Variants in KIAA1958 observed in about 807,000 individuals in gnomAD.
KIAA1958 encodes the protein KIAA1958.
KIAA1958 carries 14 observed loss-of-function variants against 47.2 expected under a neutral mutation model. The ratio of observed to expected loss-of-function variants is 0.30; its 90% confidence interval spans 0.20 to 0.46. The LOEUF (loss-of-function observed/expected upper bound fraction) is 0.46. Ranked by LOEUF, KIAA1958 falls within the 20% of genes least tolerant of loss-of-function variation. The pLI, the probability that KIAA1958 is intolerant of heterozygous loss-of-function variation, is 1.00. For synonymous variants in KIAA1958, 354 were observed against 353.3 expected (o/e 1.00, Z -0.02); for missense variants, 803 against 909.2 (o/e 0.88, Z 1.50).
At chr9:112,602,152 A>T (rs1836145047) in intron 2 of KIAA1958, among the ~76,000 whole-genome samples, 1 of 152,276 alleles carries the variant, frequency 6.6e-6, no homozygotes, top group East Asian at 1.9e-4. Context: ...TGACTTTTTA[A>T]TTTTATTTTA....
chr9:112,648,522 T>C (rs577760625), intron 3 of KIAA1958, among the ~76,000 whole-genome samples: 50 of 152,302 alleles, frequency 3.3e-4, no homozygotes, highest in African/African-American at 1.1e-3. Context: ...GAACAGTACT[T>C]GGCACTCACA....
intron 2 of KIAA1958, among the ~76,000 whole-genome samples, chr9:112,615,135 G>T (rs1449546020): frequency 6.6e-6 from 1 of 152,032 alleles, no homozygotes; most frequent in African/African-American, 2.4e-5. Context: ...AAATGAAGAG[G>T]AGGAGGCCGG....
rs1012014526 is a variant in KIAA1958 at position 112,574,601 on chromosome 9, G to C, written c.521G>C (p.Arg174Thr). ...AGGCCTCAAAGCATTGCTCGCAAAAGACCTGGGGTAGTCCCATCTTCCCTC... is the reference window on the plus strand; with the variant it reads ...AGGCCTCAAAGCATTGCTCGCAAAACACCTGGGGTAGTCCCATCTTCCCTC... Reference protein sequence around the residue: ...TQRPQSIARKRPGVVPSSLHS... With the variant: ...TQRPQSIARKTPGVVPSSLHS... Residue 174 changes from arginine to threonine, a missense_variant, in exon 2 of 4, where the codon AGA becomes ACA. Arg to Thr is a moderately conservative substitution (Grantham distance 71, BLOSUM62 -1). Transcript: ENST00000337530. 1 of 1,614,022 alleles carries C rather than the reference G, an allele frequency of 6.2e-7. No individual in the cohort carries two copies. Among genetic ancestry groups the C allele is most frequent in the African/African-American group, 1.3e-5 (1 of 74,938 alleles).
At chr9:112,561,593 C>T (rs575544747) in intron 1 of KIAA1958, among the ~76,000 whole-genome samples, 157 of 152,118 alleles carry the variant, frequency 1.0e-3, no homozygotes, top group African/African-American at 3.6e-3. Flanking sequence ...AGTGGCTCAC[C>T]CCTGTAATCC....
At chr9:112,511,386 G>C (rs781396469) in intron 1 of KIAA1958, among the ~76,000 whole-genome samples, 9 of 152,180 alleles carry the variant, frequency 5.9e-5, no homozygotes, top group Non-Finnish European at 1.0e-4. Context: ...ATGCACTAAG[G>C]ATCCATCCGA....
At position 112,618,530 on chromosome 9, in the gene KIAA1958, G is replaced by C; in HGVS notation, c.1172-27120G>C. On this transcript the variant is annotated intron_variant, in intron 2 of 3. Coordinates refer to ENST00000337530, the MANE Select transcript of KIAA1958 (RefSeq NM_133465.4). The surrounding 1 kb of genome is among the most constrained non-coding windows in gnomAD (Gnocchi z 7.1). ...CTCCCGTGTGTATGCCACCCAGCAC[G>C]CCCCACAGACCTGCCCTGTCCAGGA... 1 of 1,550,706 alleles carries C rather than the reference G, an allele frequency of 6.4e-7. No individual in the cohort carries two copies. Among genetic ancestry groups the C allele is most frequent in the Non-Finnish European group, 8.7e-7 (1 of 1,147,016 alleles).
At chr9:112,561,179 C>T (rs1252555516) in intron 1 of KIAA1958, among the ~76,000 whole-genome samples, 1 of 151,710 alleles carries the variant, frequency 6.6e-6, no homozygotes, top group African/African-American at 2.4e-5. Flanking sequence ...CTCAGCCTCC[C>T]GAGTAGCTGG....
chr9:112,584,560 C>T (rs1835790802), intron 2 of KIAA1958, among the ~76,000 whole-genome samples: 1 of 152,110 alleles, frequency 6.6e-6, no homozygotes, highest in Non-Finnish European at 1.5e-5. Context: ...GAGAATTATC[C>T]TCACAAATTT....
chr9:112,500,350 C>T (rs9696045), intron 1 of KIAA1958, among the ~76,000 whole-genome samples: 145,026 of 152,208 alleles, frequency 0.95, 69,143 homozygotes, highest in South Asian at 0.98. Flanking sequence ...ATCTGCCCGC[C>T]TTGGCCTCCC....
chr9:112,566,574 T>C (rs1256435266), intron 1 of KIAA1958, among the ~76,000 whole-genome samples: 1 of 152,178 alleles, frequency 6.6e-6, no homozygotes, highest in Non-Finnish European at 1.5e-5. Flanking sequence ...GTGAACTGCA[T>C]TTCAGCCTGG....
intron 1 of KIAA1958, among the ~76,000 whole-genome samples, chr9:112,508,462 A>T (rs7032846): frequency 6.6e-6 from 1 of 152,254 alleles, no homozygotes; most frequent in East Asian, 1.9e-4. Context: ...AAATAAGCAT[A>T]TATTAAAGCA....
chr9:112,557,960 C>T (rs915655286), intron 1 of KIAA1958, among the ~76,000 whole-genome samples: 4 of 152,282 alleles, frequency 2.6e-5, no homozygotes, highest in African/African-American at 7.2e-5. Context: ...GGCGCAGTGG[C>T]TCATGCCTGT....
At chr9:112,507,281 T>G (rs1489062332) in intron 1 of KIAA1958, among the ~76,000 whole-genome samples, 1 of 152,234 alleles carries the variant, frequency 6.6e-6, no homozygotes, top group Admixed American at 6.5e-5. Flanking sequence ...TAGGTTGATA[T>G]ATCATATGCA....
At chr9:112,617,245 T>C (rs187640328) in intron 2 of KIAA1958, among the ~76,000 whole-genome samples, 24 of 152,354 alleles carry the variant, frequency 1.6e-4, no homozygotes, top group African/African-American at 5.0e-4. Context: ...CCCTCCAAAA[T>C]ACCAAATATT....
intron 1 of KIAA1958, among the ~76,000 whole-genome samples, chr9:112,556,726 G>T (rs1347473820): frequency 6.6e-6 from 1 of 152,216 alleles, no homozygotes; most frequent in Non-Finnish European, 1.5e-5. Context: ...CTTGTTGAAA[G>T]ATTTTAATCT....
intron 1 of KIAA1958, among the ~76,000 whole-genome samples, chr9:112,525,355 C>G (rs991600095): frequency 1.3e-5 from 2 of 152,192 alleles, no homozygotes; most frequent in African/African-American, 4.8e-5. Flanking sequence ...CCTTACCCAT[C>G]CTCTCAGGAC....
chr9:112,612,161 G>A, intron 2 of KIAA1958, among the ~76,000 whole-genome samples: 1 of 152,068 alleles, frequency 6.6e-6, no homozygotes, highest in Non-Finnish European at 1.5e-5. Context: ...TAATCCCAAT[G>A]CTTTGGGAAG....
At chr9:112,588,226 C>T (rs755820958) in intron 2 of KIAA1958, among the ~76,000 whole-genome samples, 6 of 152,220 alleles carry the variant, frequency 3.9e-5, no homozygotes, top group Non-Finnish European at 7.3e-5. Flanking sequence ...TTTTATGTCA[C>T]TTTCACAGTG....
In KIAA1958 at chr9:112,575,204, C is replaced by G. The variant is rs960317167; in HGVS notation, c.1124C>G (p.Pro375Arg). The G allele has an allele frequency of 1.3e-6, 2 of 1,578,652 alleles. No homozygotes were observed. The highest frequency in any genetic ancestry group is 2.7e-5 in the African/African-American group (2 of 74,762). Residue 375 changes from proline to arginine, a missense_variant, in exon 2 of 4, where the codon CCA (proline) becomes CGA (arginine). This residue lies in a region of KIAA1958 where 761 missense variants were observed against 829.3 expected (regional missense o/e 0.92). Coordinates refer to ENST00000337530, the MANE Select transcript of KIAA1958 (RefSeq NM_133465.4). ...GTGAGCTCCAGTCAGCAGCAGCCCC[C>G]AGTCGCTCCAGCCATAACCACTGAG... ...PEVSSSQQQP[P>R]VAPAITTEAT...
Sources: allele counts gnomAD v4.1 joint callset (sites outside exome capture counted in the v4.1 genomes callset), GRCh38; gene constraint gnomAD v4.1.1; regional missense constraint gnomAD v4.1.1; non-coding constraint Gnocchi (gnomAD v3.1); transcripts MANE v1.5; gene names NCBI Gene and HGNC (gene_info 2026-07-23, HGNC 2026-07-21).